The following CNTN5 variants were observed in gnomAD, a reference collection of about 807,000 sequenced individuals.
The protein encoded by CNTN5 is contactin-5.
A neutral mutation model predicts 129.1 loss-of-function variants in CNTN5; 77 were observed. The observed-to-expected ratio is 0.60, with a 90% CI of 0.50 to 0.72. The LOEUF is 0.72. CNTN5 is among the 30% of genes least tolerant of loss of function. The pLI is 0.00. For missense variants in CNTN5, 1,478 were observed against 1,328.8 expected, an observed-to-expected ratio of 1.11 and a Z score of -1.75; for synonymous variants, 509 against 465.6, an observed-to-expected ratio of 1.09 and a Z score of -1.20.
intron 16 of CNTN5, among the ~76,000 whole-genome samples, chr11:100,238,295 A>G (rs1261425010): frequency 1.3e-5 from 2 of 151,842 alleles, no homozygotes; most frequent in Admixed American, 6.6e-5. Context: ...TACCCAACCA[A>G]TCAGTATAGC....
chr11:99,127,032 T>C (rs567676315), intron 1 of CNTN5, among the ~76,000 whole-genome samples: 2 of 152,264 alleles, frequency 1.3e-5, no homozygotes, highest in Non-Finnish European at 2.9e-5. Context: ...GATGACTTTT[T>C]CTTTCCTTTT....
intron 1 of CNTN5, among the ~76,000 whole-genome samples, chr11:99,313,235 C>T (rs1245250033): frequency 1.3e-5 from 2 of 151,826 alleles, no homozygotes; most frequent in Non-Finnish European, 1.5e-5. Context: ...AATAACTTCA[C>T]AGATGTACGT....
intron 2 of CNTN5, among the ~76,000 whole-genome samples, chr11:99,340,906 C>T (rs1192960233): frequency 6.6e-6 from 1 of 152,070 alleles, no homozygotes; most frequent in Non-Finnish European, 1.5e-5. Context: ...AGGCTGCTAA[C>T]TGTCAATATT....
intron 7 of CNTN5, among the ~76,000 whole-genome samples, chr11:99,921,865 C>T (rs1185383883): frequency 6.6e-6 from 1 of 152,096 alleles, no homozygotes; most frequent in East Asian, 1.9e-4. Flanking sequence ...AACAGATCAG[C>T]TATGTAACAA....
At chr11:99,085,450 T>C (rs1865969375) in intron 1 of CNTN5, among the ~76,000 whole-genome samples, 1 of 152,158 alleles carries the variant, frequency 6.6e-6, no homozygotes, top group African/African-American at 2.4e-5. Context: ...ATTTTGGAAT[T>C]ATCATAATAA....
At chr11:99,516,077 C>G (rs1028468627) in intron 2 of CNTN5, among the ~76,000 whole-genome samples, 3 of 151,680 alleles carry the variant, frequency 2.0e-5, no homozygotes, top group Admixed American at 2.0e-4. Flanking sequence ...ATGAATTGAT[C>G]AATTGCTCGG....
intron 13 of CNTN5, among the ~76,000 whole-genome samples, chr11:100,165,804 C>G (rs987786496): frequency 6.6e-6 from 1 of 151,666 alleles, no homozygotes; most frequent in African/African-American, 2.4e-5. Flanking sequence ...GATCGCCTTG[C>G]ATTCTATTTT....
At chr11:100,345,490 G>A (rs756163832) in intron 23 of CNTN5, among the ~76,000 whole-genome samples, 9 of 151,646 alleles carry the variant, frequency 5.9e-5, no homozygotes, top group Non-Finnish European at 1.3e-4. Context: ...TTTCTTACTC[G>A]ATTTCAGACA....
intron 13 of CNTN5, among the ~76,000 whole-genome samples, chr11:100,103,089 G>A (rs1945284709): frequency 6.6e-6 from 1 of 152,136 alleles, no homozygotes; most frequent in African/African-American, 2.4e-5. Context: ...AAGTCACTGA[G>A]TCAGTTGCCT....
At chr11:99,197,331 A>T (rs1177551881) in intron 1 of CNTN5, among the ~76,000 whole-genome samples, 1 of 151,906 alleles carries the variant, frequency 6.6e-6, no homozygotes, top group Non-Finnish European at 1.5e-5. Context: ...CCTACCTAAA[A>T]ATGTATATAT....
Position 99,182,510 on chromosome 11 carries a change from G to A in CNTN5, c.-209-142836G>A, listed in dbSNP as rs79091240. On this transcript the variant is annotated intron_variant, in intron 1 of 24. Transcript: ENST00000524871. ...ATGGATAAAAATACAGCTACCCAAA[G>A]TGGGTAACATCTTAGAGGAGCTCTG... is the stretch of plus-strand genomic sequence containing the variant. Among the ~76,000 whole-genome samples the A allele has an allele frequency of 4.7e-3, 707 of 152,026 alleles. 3 individuals carry two copies. Among genetic ancestry groups the A allele is most frequent in the Middle Eastern group, 0.01 (3 of 294 alleles).
chr11:100,150,188 A>AT (rs1947008161), intron 13 of CNTN5, among the ~76,000 whole-genome samples: 1 of 152,126 alleles, frequency 6.6e-6, no homozygotes, highest in African/African-American at 2.4e-5. Context: ...TAGAGAGAAG[A>AT]TTTTTCTCAA....
chr11:99,658,934 G>A (rs1461887458), intron 3 of CNTN5, among the ~76,000 whole-genome samples: 3 of 149,300 alleles, frequency 2.0e-5, no homozygotes, highest in East Asian at 3.9e-4. Flanking sequence ...GAGTGCCATT[G>A]CCCTGTCTAG....
At chr11:99,509,806 T>A (rs1350373023) in intron 2 of CNTN5, among the ~76,000 whole-genome samples, 1 of 152,022 alleles carries the variant, frequency 6.6e-6, no homozygotes, top group Non-Finnish European at 1.5e-5. Flanking sequence ...ATTAATGTTA[T>A]GAATTAATTT....
At chr11:99,395,769 A>G (rs1941489745) in intron 2 of CNTN5, among the ~76,000 whole-genome samples, 1 of 151,994 alleles carries the variant, frequency 6.6e-6, no homozygotes, top group Non-Finnish European at 1.5e-5. Context: ...ATGACTAGTC[A>G]GTTATCCCAG....
At chr11:100,069,319 A>ATT in intron 10 of CNTN5, among the ~76,000 whole-genome samples, 1 of 146,226 alleles carries the variant, frequency 6.8e-6, no homozygotes, top group African/African-American at 2.5e-5. Context: ...CACCTGAATA[A>ATT]TTTTTTTTTT....
chr11:99,993,313 T>C (rs1591537923), intron 8 of CNTN5, among the ~76,000 whole-genome samples: 1 of 152,124 alleles, frequency 6.6e-6, no homozygotes, highest in African/African-American at 2.4e-5. Context: ...TGCAACACTT[T>C]TATCAGCAAC....
intron 9 of CNTN5, among the ~76,000 whole-genome samples, chr11:100,045,416 C>G (rs967150655): frequency 6.6e-6 from 1 of 151,620 alleles, no homozygotes; most frequent in Non-Finnish European, 1.5e-5. Context: ...TAGAAATGAT[C>G]CAAAGATTAG....
At chr11:100,117,035 ACTTG>A (rs1023263753) in intron 13 of CNTN5, among the ~76,000 whole-genome samples, 39 of 152,110 alleles carry the variant, frequency 2.6e-4, no homozygotes, top group African/African-American at 9.1e-4. Context: ...GGTCAGCACT[ACTTG>A]CTTGCTTGGT....
Sources: allele counts gnomAD v4.1 joint callset (sites outside exome capture counted in the v4.1 genomes callset), GRCh38; gene constraint gnomAD v4.1.1; transcripts MANE v1.5; gene names NCBI Gene and HGNC (gene_info 2026-07-23, HGNC 2026-07-21).